The following HCN1 variants were observed in gnomAD, a reference collection of about 807,000 sequenced individuals.
HCN1 encodes the protein potassium/sodium hyperpolarization-activated cyclic nucleotide-gated channel 1.
A neutral mutation model predicts 78.9 loss-of-function variants in HCN1; 13 were observed. The observed-to-expected ratio is 0.16, with a 90% CI of 0.11 to 0.26. The LOEUF is 0.26. Among genes scored for constraint, HCN1 ranks in the 10% least tolerant of loss-of-function variants. The pLI is 1.00. For synonymous variants in HCN1, 552 were observed against 455.5 expected (o/e 1.21, Z -2.70); for missense variants, 810 against 1,154.3 (o/e 0.70, Z 4.32).
At chr5:45,623,160 T>C (rs1745101967) in intron 2 of HCN1, among the ~76,000 whole-genome samples, 1 of 152,186 alleles carries the variant, frequency 6.6e-6, no homozygotes, top group Non-Finnish European at 1.5e-5. Context: ...AGAATATATG[T>C]GTTTAATTTT....
At position 45,372,430 on chromosome 5, in the gene HCN1, T is replaced by A. The variant is rs1747419414; in HGVS notation, c.1231-19184A>T. Among the ~76,000 whole-genome samples the A allele has an allele frequency of 3.3e-5, 4 of 122,212 alleles. No homozygotes were observed. In the South Asian group the frequency reaches 9.6e-4, roughly 29 times the overall value. 80.2% of individuals were successfully genotyped at this position (122,212 alleles called of 152,430 possible). On this transcript the variant is annotated intron_variant, in intron 4 of 7. Coordinates refer to ENST00000303230, the MANE Select transcript of HCN1 (RefSeq NM_021072.4). ...ATAATTATATAAATATGTAAAATAA[T>A]ATATACTTATATATAAAAATATATA...
intron 2 of HCN1, chr5:45,641,781 C>A (rs1440083972): frequency 6.6e-6 from 1 of 152,132 alleles, no homozygotes; most frequent in Non-Finnish European, 1.5e-5. Flanking sequence ...CTGAGATCAG[C>A]AGCTGTAAAG....
chr5:45,587,448 G>C (rs538359109), intron 2 of HCN1, among the ~76,000 whole-genome samples: 1 of 150,882 alleles, frequency 6.6e-6, no homozygotes, highest in East Asian at 2.0e-4. Flanking sequence ...CTATCGCAAG[G>C]ACAAAAAACC....
At chr5:45,343,067 G>C (rs935337315) in intron 5 of HCN1, among the ~76,000 whole-genome samples, 2 of 152,132 alleles carry the variant, frequency 1.3e-5, no homozygotes, top group Non-Finnish European at 2.9e-5. Context: ...ATTTTCCCAA[G>C]AGAGGAGAGA....
At chr5:45,358,121 T>G (rs1747038882) in intron 4 of HCN1, among the ~76,000 whole-genome samples, 1 of 152,024 alleles carries the variant, frequency 6.6e-6, no homozygotes, top group Admixed American at 6.6e-5. Flanking sequence ...TCTTTATTAA[T>G]TACCCGATCT....
chr5:45,514,971 A>C (rs1742489371), intron 2 of HCN1, among the ~76,000 whole-genome samples: 2 of 152,112 alleles, frequency 1.3e-5, no homozygotes, highest in South Asian at 4.1e-4. Context: ...GAGTGTTTTT[A>C]GATGTTTTTA....
At chr5:45,599,515 G>A (rs1161276824) in intron 2 of HCN1, among the ~76,000 whole-genome samples, 1 of 151,960 alleles carries the variant, frequency 6.6e-6, no homozygotes, top group Non-Finnish European at 1.5e-5. Flanking sequence ...TTGTGCACAT[G>A]TACCCTAGAA....
chr5:45,336,311 C>T (rs767058377), intron 5 of HCN1, among the ~76,000 whole-genome samples: 9 of 151,998 alleles, frequency 5.9e-5, no homozygotes, highest in African/African-American at 1.2e-4. Flanking sequence ...ATTTAAAATG[C>T]TATGTTTTGG....
At chr5:45,398,465 G>A (rs970223684) in intron 3 of HCN1, among the ~76,000 whole-genome samples, 1 of 152,086 alleles carries the variant, frequency 6.6e-6, no homozygotes, top group African/African-American at 2.4e-5. Context: ...GTGTATTTAT[G>A]TCTATGCAAT....
chr5:45,391,178 C>T (rs1739554456), intron 4 of HCN1, among the ~76,000 whole-genome samples: 1 of 152,108 alleles, frequency 6.6e-6, no homozygotes, highest in Non-Finnish European at 1.5e-5. Flanking sequence ...ATGAAGGAAA[C>T]CAAGTGAAAT....
intron 3 of HCN1, among the ~76,000 whole-genome samples, chr5:45,407,335 G>A (rs1739944971): frequency 6.6e-6 from 1 of 151,930 alleles, no homozygotes; most frequent in Admixed American, 6.6e-5. Context: ...TCATATAAAA[G>A]TATAGCATAT....
intron 2 of HCN1, 110 bp downstream of exon 2, chr5:45,645,075 C>G (rs1745523411): frequency 1.3e-6 from 1 of 772,106 alleles, no homozygotes; most frequent in African/African-American, 1.8e-5. Context: ...ATACATTTTT[C>G]TACTTGAATT....
intron 4 of HCN1, among the ~76,000 whole-genome samples, chr5:45,353,614 C>T (rs557526662): frequency 1.3e-5 from 2 of 151,728 alleles, no homozygotes; most frequent in Admixed American, 1.3e-4. Flanking sequence ...GTTTGGCTGT[C>T]GATTTTTAAG....
intron 5 of HCN1, among the ~76,000 whole-genome samples, chr5:45,322,354 G>C (rs1447784258): frequency 6.6e-6 from 1 of 151,768 alleles, no homozygotes; most frequent in African/African-American, 2.4e-5. Flanking sequence ...TCTAAATGTA[G>C]TATAATGACC....
chr5:45,306,994 A>C (rs1745748007), intron 5 of HCN1, among the ~76,000 whole-genome samples: 1 of 152,094 alleles, frequency 6.6e-6, no homozygotes, highest in African/African-American at 2.4e-5. Flanking sequence ...GTACATGGTA[A>C]AAACAAATGA....
chr5:45,547,086 T>A (rs548659300), intron 2 of HCN1, among the ~76,000 whole-genome samples: 1 of 152,126 alleles, frequency 6.6e-6, no homozygotes, highest in Admixed American at 6.6e-5. Flanking sequence ...CAAATGATTT[T>A]ACTAAAATAT....
At chr5:45,510,578 C>T (rs1162905610) in intron 2 of HCN1, among the ~76,000 whole-genome samples, 2 of 151,908 alleles carry the variant, frequency 1.3e-5, no homozygotes, top group East Asian at 3.9e-4. Context: ...TGTAATTTGA[C>T]AGGAAATATT....
At chr5:45,653,812 T>C (rs1291257394) in intron 1 of HCN1, among the ~76,000 whole-genome samples, 2 of 152,072 alleles carry the variant, frequency 1.3e-5, no homozygotes, top group Non-Finnish European at 2.9e-5. Flanking sequence ...GAGATATATC[T>C]AATGCTAGAT....
intron 2 of HCN1, among the ~76,000 whole-genome samples, chr5:45,566,696 C>G (rs573056445): frequency 1.3e-4 from 20 of 152,242 alleles, no homozygotes; most frequent in African/African-American, 4.6e-4. Context: ...AAAAGACTCC[C>G]TTGACTACAG....
Sources: allele counts gnomAD v4.1 joint callset (sites outside exome capture counted in the v4.1 genomes callset), GRCh38; gene constraint gnomAD v4.1.1; transcripts MANE v1.5; gene names NCBI Gene and HGNC (gene_info 2026-07-23, HGNC 2026-07-21).